The following DOCK2 variants were observed in gnomAD, a reference collection of about 807,000 sequenced individuals.
The protein encoded by DOCK2 is dedicator of cytokinesis 2.
Under a neutral mutation model 248.9 loss-of-function variants are expected in DOCK2, and 87 were observed. The observed-to-expected ratio is 0.35, with a 90% CI of 0.29 to 0.42. The LOEUF (loss-of-function observed/expected upper bound fraction) is 0.42. Ranked by LOEUF, DOCK2 falls within the 10% of genes least tolerant of loss-of-function variation. The pLI is 1.00. For synonymous variants in DOCK2, 805 were observed against 821.6 expected, an observed-to-expected ratio of 0.98 and a Z score of 0.35; for missense variants, 1,747 against 2,300.2, an observed-to-expected ratio of 0.76 and a Z score of 4.92.
At chr5:169,816,461 A>C (rs1768075656) in intron 26 of DOCK2, among the ~76,000 whole-genome samples, 1 of 152,234 alleles carries the variant, frequency 6.6e-6, no homozygotes, top group African/African-American at 2.4e-5. Flanking sequence ...AGCATGCTAA[A>C]GTCATCTTTG....
intron 27 of DOCK2, among the ~76,000 whole-genome samples, chr5:169,888,216 G>A (rs1297967628): frequency 6.6e-6 from 1 of 152,126 alleles, no homozygotes; most frequent in African/African-American, 2.4e-5. Context: ...ACATCGTGGG[G>A]AATACACCTG....
intron 13 of DOCK2, among the ~76,000 whole-genome samples, chr5:169,700,733 T>C (rs1361701195): frequency 6.6e-6 from 1 of 152,146 alleles, no homozygotes; most frequent in African/African-American, 2.4e-5. Flanking sequence ...TGTTTTGGAC[T>C]AAGTTCCTGC....
At chr5:169,965,506 A>T (rs1025137642) in intron 27 of DOCK2, among the ~76,000 whole-genome samples, 2 of 152,170 alleles carry the variant, frequency 1.3e-5, no homozygotes, top group Non-Finnish European at 2.9e-5. Flanking sequence ...AGCATGGCTC[A>T]TTTTTGTCTA....
chr5:169,737,040 G>T (rs1763073800), intron 22 of DOCK2, among the ~76,000 whole-genome samples: 1 of 152,196 alleles, frequency 6.6e-6, no homozygotes, highest in South Asian at 2.1e-4. Context: ...AATCATGTGG[G>T]TGCATGTAAA....
chr5:169,855,776 G>A (rs1411104913), intron 27 of DOCK2, among the ~76,000 whole-genome samples: 1 of 152,186 alleles, frequency 6.6e-6, no homozygotes, highest in Non-Finnish European at 1.5e-5. Flanking sequence ...GGAGTTTAAC[G>A]TATGGTGGGA....
chr5:169,783,094 A>G (rs960046016), intron 25 of DOCK2, among the ~76,000 whole-genome samples: 1 of 152,220 alleles, frequency 6.6e-6, no homozygotes, highest in African/African-American at 2.4e-5. Flanking sequence ...TAGAGATAAT[A>G]AGCAAAGCGC....
In DOCK2 at chr5:170,079,054, G is replaced by C. The variant is rs373978300; in HGVS notation, c.5074G>C (p.Glu1692Gln). Reference protein sequence around the residue: ...EPISPGSTLPEVKLRRSKKRT... With the variant: ...EPISPGSTLPQVKLRRSKKRT... ...GATCTCCCCGGGGAGCACCCTGCCT[G>C]AGGTCAAGCTGCGGAGGTCCAAGAA... Residue 1692 changes from glutamate to glutamine, a missense_variant, in exon 49 of 52, where the codon GAG (glutamate) becomes CAG (glutamine). Physicochemically the swap from Glu to Gln is conservative, Grantham distance 29. Coordinates refer to ENST00000520908, the MANE Select transcript of DOCK2 (RefSeq NM_004946.3). 1 of 1,614,170 alleles carries C rather than the reference G, an allele frequency of 6.2e-7. No homozygotes were observed. The highest frequency in any genetic ancestry group is 8.5e-7 in the Non-Finnish European group (1 of 1,180,018).
intron 27 of DOCK2, among the ~76,000 whole-genome samples, chr5:169,898,560 A>C (rs531643956): frequency 3.3e-4 from 48 of 146,184 alleles, no homozygotes; most frequent in Admixed American, 1.3e-3. Flanking sequence ...AACAACAACA[A>C]CACACACCGG....
intron 27 of DOCK2, among the ~76,000 whole-genome samples, chr5:169,923,639 AAAG>A (rs1775293670): frequency 1.3e-5 from 2 of 152,220 alleles, no homozygotes; most frequent in Admixed American, 1.3e-4. Context: ...TCATCTGATA[AAAG>A]AAGGATAATA....
intron 22 of DOCK2, among the ~76,000 whole-genome samples, chr5:169,738,173 G>A (rs985618469): frequency 6.6e-6 from 1 of 152,194 alleles, no homozygotes; most frequent in East Asian, 1.9e-4. Flanking sequence ...CATGGTTGCG[G>A]CATGGGAGCA....
rs986755245 is a variant in DOCK2, at chr5:169,763,274, G to A, written c.2554+1649G>A. On this transcript the variant is annotated intron_variant, in intron 25 of 51. Transcript: ENST00000520908. This position sits in a 1 kb window ranked among gnomAD's most constrained non-coding sequence, Gnocchi z 4.1. ...AAATTTCCCTCACCCCAAAAGCATTGAAATATGTCTGCCCCTTCCTGCCCT... is the reference window on the plus strand; with the variant it reads ...AAATTTCCCTCACCCCAAAAGCATTAAAATATGTCTGCCCCTTCCTGCCCT... Among the ~76,000 whole-genome samples, 1 of 152,158 alleles carries A rather than the reference G, an allele frequency of 6.6e-6. No individual in the cohort carries two copies.
chr5:169,980,312 C>G (rs1777895104), intron 27 of DOCK2: 1 of 152,202 alleles, frequency 6.6e-6, no homozygotes, highest in Admixed American at 6.5e-5. Flanking sequence ...AGGATGGTCC[C>G]CCTTCCTTGC....
chr5:169,885,513 C>G (rs1772922182), intron 27 of DOCK2, among the ~76,000 whole-genome samples: 1 of 152,206 alleles, frequency 6.6e-6, no homozygotes, highest in Non-Finnish European at 1.5e-5. Context: ...AAATTCTCCC[C>G]TGATGTCTTC....
chr5:169,973,348 C>G (rs1455718745), intron 27 of DOCK2, among the ~76,000 whole-genome samples: 2 of 152,186 alleles, frequency 1.3e-5, no homozygotes, highest in Non-Finnish European at 2.9e-5. Context: ...ACATCTCCGG[C>G]TGATCACAGA....
chr5:169,883,154 G>A (rs1772762992), intron 27 of DOCK2: 1 of 1,551,502 alleles, frequency 6.4e-7, no homozygotes, highest in African/African-American at 1.4e-5. Context: ...GAATCTAGTG[G>A]AGTCACCCTT....
intron 27 of DOCK2, among the ~76,000 whole-genome samples, chr5:169,967,093 G>A (rs1379271141): frequency 6.6e-6 from 1 of 152,224 alleles, no homozygotes; most frequent in Non-Finnish European, 1.5e-5. Flanking sequence ...GAGATAAGGA[G>A]AAAGTAGGAC....
intron 30 of DOCK2, among the ~76,000 whole-genome samples, chr5:170,000,958 A>G (rs1017635990): frequency 6.6e-6 from 1 of 152,222 alleles, no homozygotes; most frequent in South Asian, 2.1e-4. Flanking sequence ...CAGAGGGAGC[A>G]GTCATCAAAG....
intron 26 of DOCK2, among the ~76,000 whole-genome samples, chr5:169,826,342 T>G (rs1768857144): frequency 6.6e-6 from 1 of 152,118 alleles, no homozygotes; most frequent in Non-Finnish European, 1.5e-5. Context: ...GAACAGGATA[T>G]TAGCAGATAA....
chr5:169,986,282 A>G (rs1020837815), intron 29 of DOCK2, among the ~76,000 whole-genome samples: 1 of 152,250 alleles, frequency 6.6e-6, no homozygotes, highest in Non-Finnish European at 1.5e-5. Flanking sequence ...TTTAGGAAGC[A>G]TTAAATTAAA....
Sources: allele counts gnomAD v4.1 joint callset (sites outside exome capture counted in the v4.1 genomes callset), GRCh38; gene constraint gnomAD v4.1.1; non-coding constraint Gnocchi (gnomAD v3.1); transcripts MANE v1.5; gene names NCBI Gene and HGNC (gene_info 2026-07-23, HGNC 2026-07-21).